PDE1C: variants seen among roughly 807,000 people sequenced by gnomAD.
PDE1C encodes dual specificity calcium/calmodulin-dependent 3',5'-cyclic nucleotide phosphodiesterase 1C.
Under a neutral mutation model 93.1 loss-of-function variants are expected in PDE1C, and 62 were observed. The ratio of observed to expected loss-of-function variants is 0.67; its 90% confidence interval spans 0.54 to 0.82. The LOEUF is 0.82. Ranked by LOEUF, PDE1C falls within the 40% of genes least tolerant of loss-of-function variation. The pLI, the probability that PDE1C is intolerant of heterozygous loss-of-function variation, is 0.00. For synonymous variants in PDE1C, 325 were observed against 310.1 expected (o/e 1.05, Z -0.50); for missense variants, 742 against 884.6 (o/e 0.84, Z 2.04).
At chr7:32,254,664 T>G (rs1809652839) in intron 1 of PDE1C, among the ~76,000 whole-genome samples, 1 of 152,144 alleles carries the variant, frequency 6.6e-6, no homozygotes, top group Non-Finnish European at 1.5e-5. Context: ...GTGTGTATGT[T>G]TTTGTGTGTC....
Position 32,277,595 on chromosome 7 carries a change from C to A in PDE1C, c.85+21056G>T, listed in dbSNP as rs970478692. Among the ~76,000 whole-genome samples, 3 of 152,110 alleles carry A rather than the reference C, an allele frequency of 2.0e-5. No homozygotes were observed. In the South Asian group the frequency reaches 6.2e-4, roughly 32 times the overall value. ...AACTGACAGGACTAAATTAAAACAC[C>A]AGCAGCTGAGACTTCAGCTCTTGAT... On this transcript the variant is annotated intron_variant, in intron 1 of 18. Coordinates refer to the PDE1C transcript ENST00000396193.
the PDE1C span, among the ~76,000 whole-genome samples, chr7:31,644,237 G>A: frequency 2.0e-5 from 3 of 152,186 alleles, no homozygotes; most frequent in Non-Finnish European, 2.9e-5. Context: ...GCATTCATAT[G>A]TCTAAGGTTA....
At chr7:31,932,572 C>T (rs970953201) in intron 2 of PDE1C, among the ~76,000 whole-genome samples, 6 of 152,066 alleles carry the variant, frequency 3.9e-5, no homozygotes, top group South Asian at 2.1e-4. Context: ...ACAACAGATG[C>T]GGGTGAGGAT....
At chr7:32,007,564 G>C (rs1786446386) in intron 2 of PDE1C, among the ~76,000 whole-genome samples, 2 of 152,150 alleles carry the variant, frequency 1.3e-5, no homozygotes, top group Admixed American at 1.3e-4. Context: ...GCTGACAATA[G>C]ATATAATGTT....
the PDE1C span, among the ~76,000 whole-genome samples, chr7:31,622,895 T>C: frequency 2.0e-5 from 3 of 151,916 alleles, no homozygotes; most frequent in South Asian, 2.1e-4. Context: ...AAGACTCAAA[T>C]AGACACAATA....
chr7:31,697,227 T>C, the PDE1C span: 2 of 1,399,474 alleles, frequency 1.4e-6, no homozygotes, highest in Non-Finnish European at 1.9e-6. Flanking sequence ...GCAAGCTGCG[T>C]TGTCCTGAAG....
the PDE1C span, among the ~76,000 whole-genome samples, chr7:31,712,518 A>T: frequency 1.3e-5 from 2 of 152,148 alleles, no homozygotes; most frequent in African/African-American, 4.8e-5. Context: ...CCATCTCCCT[A>T]AAAACAGTTC....
At chr7:31,649,468 A>G in the PDE1C span, among the ~76,000 whole-genome samples, 2 of 152,200 alleles carry the variant, frequency 1.3e-5, no homozygotes, top group Non-Finnish European at 2.9e-5. Context: ...TTCCCAGCTC[A>G]CTGGCCATTG....
At chr7:32,388,045 A>C (rs1330444370) in intron 1 of PDE1C, among the ~76,000 whole-genome samples, 3 of 152,220 alleles carry the variant, frequency 2.0e-5, no homozygotes, top group Non-Finnish European at 2.9e-5. Context: ...CTCCTTCAAT[A>C]GATTGTAAGT....
At chr7:31,640,999 C>T in the PDE1C span, among the ~76,000 whole-genome samples, 4 of 152,230 alleles carry the variant, frequency 2.6e-5, no homozygotes, top group East Asian at 7.7e-4. Flanking sequence ...TGACTTTGGC[C>T]TCAGGCTGAG....
chr7:32,147,984 TAAAA>T (rs752433564), intron 3 of PDE1C, among the ~76,000 whole-genome samples: 17 of 79,722 alleles, frequency 2.1e-4, no homozygotes, highest in East Asian at 2.1e-3. Flanking sequence ...CCATTTATGC[TAAAA>T]AAAAAAAAAA....
chr7:32,373,110 T>G (rs992337576), intron 1 of PDE1C, among the ~76,000 whole-genome samples: 5 of 152,320 alleles, frequency 3.3e-5, no homozygotes, highest in African/African-American at 1.2e-4. Context: ...CACCTCTAAG[T>G]GTATACCCAA....
intron 2 of PDE1C, among the ~76,000 whole-genome samples, chr7:31,936,859 G>T (rs758255958): frequency 6.6e-6 from 1 of 152,140 alleles, no homozygotes; most frequent in Non-Finnish European, 1.5e-5. Flanking sequence ...AGAGCCTCAG[G>T]AGGTCCTGAG....
intron 2 of PDE1C, among the ~76,000 whole-genome samples, chr7:31,999,578 G>A (rs1359307631): frequency 2.6e-5 from 4 of 152,130 alleles, no homozygotes; most frequent in Admixed American, 2.6e-4. Flanking sequence ...ATATGACATT[G>A]ATAAATTATT....
At chr7:31,639,218 A>G in the PDE1C span, among the ~76,000 whole-genome samples, 5 of 152,196 alleles carry the variant, frequency 3.3e-5, no homozygotes, top group African/African-American at 9.7e-5. Context: ...TCAGTTACCT[A>G]TACCTGAGGC....
intron 2 of PDE1C, among the ~76,000 whole-genome samples, chr7:31,992,712 C>T (rs1784281556): frequency 6.6e-6 from 1 of 152,296 alleles, no homozygotes; most frequent in Middle Eastern, 3.4e-3. Flanking sequence ...TACATTATAG[C>T]TGCATAATAA....
intron 1 of PDE1C, among the ~76,000 whole-genome samples, chr7:32,060,992 T>C (rs1794736794): frequency 6.6e-6 from 1 of 152,198 alleles, no homozygotes; most frequent in East Asian, 1.9e-4. Flanking sequence ...TGGCAGGATG[T>C]CAGTCGGAAT....
the PDE1C span, among the ~76,000 whole-genome samples, chr7:31,738,903 C>T: frequency 6.6e-6 from 1 of 152,112 alleles, no homozygotes; most frequent in Non-Finnish European, 1.5e-5. Flanking sequence ...ACAGGAAAGC[C>T]TGTGCCATGG....
the PDE1C span, among the ~76,000 whole-genome samples, chr7:31,635,379 C>A: frequency 5.3e-4 from 81 of 152,280 alleles, no homozygotes; most frequent in Admixed American, 2.7e-3. Context: ...GACATGCAGG[C>A]ATTTCACTTC....
Sources: gnomAD v4.1 joint callset for allele counts (sites outside exome capture counted in the v4.1 genomes callset) on GRCh38, gnomAD v4.1.1 for gene constraint, MANE v1.5 for transcripts, NCBI Gene and HGNC (gene_info 2026-07-23, HGNC 2026-07-21) for gene names.